The following SLC18A2 variants were observed in gnomAD, a reference collection of about 807,000 sequenced individuals.
SLC18A2 encodes the protein synaptic vesicular amine transporter.
Under a neutral mutation model 59.2 loss-of-function variants are expected in SLC18A2, and 33 were observed. That is an observed-to-expected ratio of 0.56 (90% confidence interval 0.42 to 0.75). SLC18A2 has a LOEUF of 0.75. SLC18A2 is among the 30% of genes least tolerant of loss of function. The probability of loss-of-function intolerance (pLI) is 0.00; values close to 1 mark genes in which losing one functional copy is unlikely to be tolerated. For synonymous variants in SLC18A2, 228 were observed against 253.5 expected, an observed-to-expected ratio of 0.90 and a Z score of 0.95; for missense variants, 569 against 668.6, an observed-to-expected ratio of 0.85 and a Z score of 1.64.
In SLC18A2 at chr10:117,241,527, G is replaced by A. The variant is rs986896928; in HGVS notation, c.-15-152G>A. The A allele has an allele frequency of 3.6e-5, 29 of 807,350 alleles. No homozygotes were observed. In the African/African-American group the frequency reaches 4.4e-4, roughly 12 times the overall value. The allele number at this position is 807,350 out of a possible 1,614,324, so 50.0% of individuals were successfully genotyped here. ...GGAGCGCGGGCTCTCGTGGGGACGC[G>A]CTCGAGGCAGGTGAGCCGAGGCTGG... is the stretch of plus-strand genomic sequence containing the variant. On this transcript the variant is annotated intron_variant, in intron 1 of 15. Transcript: ENST00000644641.
chr10:117,255,705 C>G (rs373538368), intron 9 of SLC18A2, 48 bp downstream of exon 9: 1 of 1,569,432 alleles, frequency 6.4e-7, no homozygotes, highest in East Asian at 2.2e-5. Flanking sequence ...AGGTGATGGC[C>G]GCGTGCTGGA....
chr10:117,260,081 C>G (rs897000616), intron 10 of SLC18A2, among the ~76,000 whole-genome samples: 2 of 152,130 alleles, frequency 1.3e-5, no homozygotes, highest in Admixed American at 1.3e-4. Context: ...TCTGAAGAGC[C>G]TTTTGTGTAT....
At chr10:117,244,353 A>G (rs774183481) in intron 3 of SLC18A2, 40 bp downstream of exon 3, 7 of 1,529,402 alleles carry the variant, frequency 4.6e-6, no homozygotes, top group Non-Finnish European at 5.4e-6. Context: ...TGATATTTGT[A>G]TCAGTCCTAG....
At chr10:117,275,658 C>T (rs1354044755) in intron 15 of SLC18A2, among the ~76,000 whole-genome samples, 1 of 152,198 alleles carries the variant, frequency 6.6e-6, no homozygotes, top group African/African-American at 2.4e-5. Context: ...GTTTTCTCAC[C>T]TCCCACAGAG....
At position 117,269,326 on chromosome 10, in the gene SLC18A2, T is replaced by C. The variant is rs1844396081; in HGVS notation, c.1187-745T>C. On this transcript the variant is annotated intron_variant, in intron 13 of 15. Transcript: ENST00000644641. This position sits in a 1 kb window ranked among gnomAD's most constrained non-coding sequence, Gnocchi z 5.1. ...ACATACACAGATACATATATACATA[T>C]ACATAATACACATACACACATGCAT... is the stretch of plus-strand genomic sequence containing the variant. Among the ~76,000 whole-genome samples the C allele has an allele frequency of 1.9e-5, 1 of 53,882 alleles. No individual in the cohort carries two copies. The allele number at this position is 53,882 out of a possible 152,430, so 35.3% of individuals were successfully genotyped here. A position where few individuals can be genotyped will look rare whatever the true frequency, so the allele number is the denominator to read the frequency against.
chr10:117,244,115 C>A lies in SLC18A2; in HGVS notation c.266C>A (p.Thr89Asn). The change falls in exon 3 of 16, where the codon ACC becomes AAC. Residue 89 changes from threonine (T) to asparagine (N), a missense_variant. Thr to Asn is a moderately conservative substitution (Grantham distance 65). Around this residue, in one of 2 missense-constraint regions of SLC18A2, gnomAD observed 377 missense variants for 389.8 expected, o/e 0.97. Coordinates refer to ENST00000644641, the MANE Select transcript of SLC18A2 (RefSeq NM_003054.6). ...FSYYDNSTMV[T>N]GNATRDLTLH... ...TATTATGATAACTCGACTATGGTCA[C>A]CGGGAATGCTACCAGAGACCTGACA... The A allele has an allele frequency of 6.2e-7, 1 of 1,614,226 alleles. No individual in the cohort carries two copies. Among genetic ancestry groups the A allele is most frequent in the Non-Finnish European group, 8.5e-7 (1 of 1,180,046 alleles).
intron 3 of SLC18A2, among the ~76,000 whole-genome samples, chr10:117,244,691 C>G (rs1012420923): frequency 6.6e-6 from 1 of 152,226 alleles, no homozygotes; most frequent in Admixed American, 6.5e-5. Context: ...ATGTGGCCTC[C>G]TCTTATCTCC....
At chr10:117,253,632 G>C (rs1844190308) in intron 4 of SLC18A2, among the ~76,000 whole-genome samples, 175 bp downstream of exon 4, 1 of 152,094 alleles carries the variant, frequency 6.6e-6, no homozygotes, top group African/African-American at 2.4e-5. Flanking sequence ...GATCATCTGA[G>C]GTCAGGAGTC....
chr10:117,268,812 GTGTA>G lies in SLC18A2; in HGVS notation c.1186+1084_1186+1087del, dbSNP rs1181288296. 4 of 149,828 alleles carry G rather than the reference GTGTA, an allele frequency of 2.7e-5. No individual in the cohort carries two copies. In the East Asian group the frequency reaches 6.3e-4, roughly 24 times the overall value. The allele number at this position is 149,828 out of a possible 1,614,324, so 9.3% of individuals were successfully genotyped here. A position where few individuals can be genotyped will look rare whatever the true frequency, so the allele number is the denominator to read the frequency against. The stretch of plus-strand genomic sequence containing the variant: ...CTGGCCCTGCTCAGAAATTATGTGT[GTGTA>G]TGTATGTTTATGTGTGTGTGTGTGT... On this transcript the variant is annotated intron_variant, in intron 13 of 15. Coordinates refer to ENST00000644641, the MANE Select transcript of SLC18A2 (RefSeq NM_003054.6).
intron 9 of SLC18A2, among the ~76,000 whole-genome samples, chr10:117,256,319 C>G (rs1284276514): frequency 1.3e-5 from 2 of 152,182 alleles, no homozygotes; most frequent in Non-Finnish European, 2.9e-5. Context: ...CTTTGCCAGG[C>G]CCCGGGCTGC....
chr10:117,244,009 G>A lies in SLC18A2; in HGVS notation c.160G>A (p.Glu54Lys). 2 of 1,614,036 alleles carry A rather than the reference G, an allele frequency of 1.2e-6. No individual in the cohort carries two copies. Among genetic ancestry groups the A allele is most frequent in the Non-Finnish European group, 1.7e-6 (2 of 1,179,990 alleles). Residue 54 changes from glutamate to lysine, a missense_variant, in exon 3 of 16, where the codon GAG becomes AAG. Transcript: ENST00000644641. ...IPSYLYSIKH[E>K]KNATEIQTAR... is the part of the protein sequence containing the mutation. ...AAGTTATCTGTACAGCATTAAGCAT[G>A]AGAAGAATGCTACAGAAATCCAGAC...
At chr10:117,256,836 C>T (rs1441603351) in intron 9 of SLC18A2, among the ~76,000 whole-genome samples, 2 of 152,196 alleles carry the variant, frequency 1.3e-5, no homozygotes, top group African/African-American at 4.8e-5. Context: ...GAACCTCGGG[C>T]ACGTCTGAGC....
At chr10:117,264,401 A>G (rs1284232189) in intron 10 of SLC18A2, among the ~76,000 whole-genome samples, 2 of 152,218 alleles carry the variant, frequency 1.3e-5, no homozygotes, top group Non-Finnish European at 2.9e-5. Flanking sequence ...ACTTGAGCCC[A>G]AGAGGCAGAG....
intron 12 of SLC18A2, chr10:117,267,277 A>G: frequency 1.9e-6 from 1 of 530,484 alleles, no homozygotes; most frequent in Non-Finnish European, 3.3e-6. Context: ...TTTCCCCTGC[A>G]TCATCTTAAG....
rs748424920 is a variant in SLC18A2 at position 117,277,120 on chromosome 10, T to G, written c.1441-42T>G. 21 of 1,124,476 alleles carry G rather than the reference T, an allele frequency of 1.9e-5. No homozygotes were observed. In the East Asian group the frequency reaches 4.6e-4, roughly 25 times the overall value. The allele number at this position is 1,124,476 out of a possible 1,614,324, so 69.7% of individuals were successfully genotyped here. On this transcript the variant is annotated intron_variant, in intron 15 of 15. Coordinates refer to ENST00000644641, the MANE Select transcript of SLC18A2 (RefSeq NM_003054.6). ...GTAGGTTAAAACCATCTTATCTTTA[T>G]GAAACAAGAAGTTAATATACTTGCA... is the stretch of plus-strand genomic sequence containing the variant.
rs780811442 is a variant in SLC18A2, at chr10:117,266,994, G to C, written c.1081G>C (p.Ala361Pro). 4 of 1,613,360 alleles carry C rather than the reference G, an allele frequency of 2.5e-6. No individual in the cohort carries two copies. The highest frequency in any genetic ancestry group is 3.4e-6 in the Non-Finnish European group (4 of 1,179,864). The change falls in exon 12 of 16, where the codon GCT (alanine) becomes CCT (proline). Residue 361 changes from alanine to proline, a missense_variant. Ala to Pro is a conservative substitution (Grantham distance 27). This residue lies in a region of SLC18A2 where 192 missense variants were observed against 278.8 expected (regional missense o/e 0.69). Coordinates refer to ENST00000644641, the MANE Select transcript of SLC18A2 (RefSeq NM_003054.6). ...TTTTTCTTTTGGTAGGTGGCTTTGT[G>C]CTCTTCTGGGAATGATAATTGTTGG... ...LAHKMGRWLC[A>P]LLGMIIVGVS...
intron 10 of SLC18A2, among the ~76,000 whole-genome samples, chr10:117,262,893 A>C (rs1217380783): frequency 6.6e-6 from 1 of 152,010 alleles, no homozygotes; most frequent in African/African-American, 2.4e-5. Flanking sequence ...GACACTTAAG[A>C]TGTTTTGTGC....
intron 15 of SLC18A2, among the ~76,000 whole-genome samples, chr10:117,274,084 C>G (rs1184353654): frequency 1.3e-5 from 2 of 152,198 alleles, no homozygotes; most frequent in Non-Finnish European, 2.9e-5. Context: ...CCTGACTGAC[C>G]TGCTTGATGC....
At chr10:117,272,720 G>A (rs939905903) in intron 15 of SLC18A2, among the ~76,000 whole-genome samples, 2 of 152,198 alleles carry the variant, frequency 1.3e-5, no homozygotes, top group Non-Finnish European at 2.9e-5. Context: ...GAGAAGGTGT[G>A]CATCTCGCTG....
Sources: allele counts gnomAD v4.1 joint callset (sites outside exome capture counted in the v4.1 genomes callset), GRCh38; gene constraint gnomAD v4.1.1; regional missense constraint gnomAD v4.1.1; non-coding constraint Gnocchi (gnomAD v3.1); transcripts MANE v1.5; gene names NCBI Gene and HGNC (gene_info 2026-07-23, HGNC 2026-07-21).